The following UTRN variants were observed in gnomAD, a reference collection of about 807,000 sequenced individuals.
The protein encoded by UTRN is utrophin.
In UTRN, 283 loss-of-function variants were observed where a neutral mutation model predicts 463.9. That is an observed-to-expected ratio of 0.61 (90% CI 0.55 to 0.67). UTRN has a LOEUF of 0.67. Among genes scored for constraint, UTRN ranks in the 30% least tolerant of loss-of-function variants. The probability of loss-of-function intolerance (pLI) is 0.00; values close to 1 mark genes in which losing one functional copy is unlikely to be tolerated. For synonymous variants in UTRN, 1,442 were observed against 1,431.5 expected, an observed-to-expected ratio of 1.01 and a Z score of -0.17; for missense variants, 3,922 against 4,084.3, an observed-to-expected ratio of 0.96 and a Z score of 1.08.
intron 2 of UTRN, among the ~76,000 whole-genome samples, chr6:144,395,141 C>T (rs1032608538): frequency 1.3e-5 from 2 of 151,976 alleles, no homozygotes; most frequent in Non-Finnish European, 2.9e-5. Flanking sequence ...TAAGTTTAGC[C>T]TTTTGTCAAT....
At chr6:144,694,678 A>G (rs1160874036) in intron 52 of UTRN, among the ~76,000 whole-genome samples, 1 of 152,160 alleles carries the variant, frequency 6.6e-6, no homozygotes, top group African/African-American at 2.4e-5. Flanking sequence ...TTATGTGCAT[A>G]GAGGTGTTCA....
intron 2 of UTRN, among the ~76,000 whole-genome samples, chr6:144,371,337 A>G (rs370375695): frequency 2.6e-4 from 39 of 152,124 alleles, no homozygotes; most frequent in African/African-American, 8.4e-4. Flanking sequence ...TCCCCCTATT[A>G]CCCATTATTT....
chr6:144,714,484 A>C (rs895220686), intron 53 of UTRN, among the ~76,000 whole-genome samples: 2 of 152,176 alleles, frequency 1.3e-5, no homozygotes, highest in Non-Finnish European at 2.9e-5. Context: ...CCAGCTTCTC[A>C]GGTGTCCCAT....
chr6:144,429,695 C>T lies in UTRN; in HGVS notation c.809C>T (p.Pro270Leu). The change falls in exon 9 of 75, where the codon CCA becomes CTA. Residue 270 changes from proline (P) to leucine (L), a missense_variant. Pro to Leu is a moderately conservative substitution (Grantham distance 98). Around this residue, in one of 3 missense-constraint regions of UTRN, gnomAD observed 2,349 missense variants for 2,303.8 expected, o/e 1.02. Transcript: ENST00000367545. The part of the protein sequence containing the change: ...IDAIREVETL[P>L]RKYKKECEEE... ...GCCATCCGTGAGGTAGAGACACTCC[C>T]AAGGAAATATAAAAAAGAATGTGAA... 1 of 1,611,780 alleles carries T rather than the reference C, an allele frequency of 6.2e-7. No homozygotes were observed. The highest frequency in any genetic ancestry group is 2.2e-5 in the East Asian group (1 of 44,764).
At chr6:144,301,359 G>A (rs542105640) in intron 2 of UTRN, among the ~76,000 whole-genome samples, 30 of 151,936 alleles carry the variant, frequency 2.0e-4, no homozygotes, top group African/African-American at 7.2e-4. Flanking sequence ...TGGTGTTTTC[G>A]GAACACATGC....
At chr6:144,393,630 C>G (rs6920327) in intron 2 of UTRN, among the ~76,000 whole-genome samples, 21,965 of 151,926 alleles carry the variant, frequency 0.14, 4,503 homozygotes, top group African/African-American at 0.46. Flanking sequence ...TGTCATGACA[C>G]GTCAGAGAAG....
intron 50 of UTRN, among the ~76,000 whole-genome samples, chr6:144,565,091 A>G (rs770709834): frequency 2.0e-5 from 3 of 152,190 alleles, no homozygotes; most frequent in Non-Finnish European, 4.4e-5. Flanking sequence ...TATGCCAGCA[A>G]TGATGGAAAT....
Position 144,523,208 on chromosome 6 carries a change from A to G in UTRN, c.5906+20A>G, listed in dbSNP as rs778868538. ...GAAAGGGTATGTGTAAATGAAATTA[A>G]TATTTAATTTAAAAAAATGCCTGCA... On this transcript the variant is annotated intron_variant, in intron 41 of 74. Transcript: ENST00000367545. 2.7e-6 allele frequency: 4 copies of G among 1,495,780 alleles called. No homozygotes were observed. In the East Asian group the frequency reaches 7.4e-5, roughly 27 times the overall value. The allele number at this position is 1,495,780 out of a possible 1,614,324, so 92.7% of individuals were successfully genotyped here.
chr6:144,741,205 C>T (rs1036989418), intron 54 of UTRN, among the ~76,000 whole-genome samples: 2 of 152,140 alleles, frequency 1.3e-5, no homozygotes, highest in African/African-American at 4.8e-5. Flanking sequence ...TAAACATAAG[C>T]CATATTTAAC....
intron 14 of UTRN, among the ~76,000 whole-genome samples, chr6:144,445,836 G>T (rs1787637717): frequency 6.6e-6 from 1 of 152,016 alleles, no homozygotes; most frequent in Non-Finnish European, 1.5e-5. Flanking sequence ...CTTGAGGTCA[G>T]ACCAACATGT....
At chr6:144,668,757 C>G (rs1780684727) in intron 51 of UTRN, among the ~76,000 whole-genome samples, 1 of 152,036 alleles carries the variant, frequency 6.6e-6, no homozygotes, top group Non-Finnish European at 1.5e-5. Context: ...CCCAAAGGCC[C>G]CACCTCCTAA....
chr6:144,329,152 G>A (rs550698315), intron 2 of UTRN, among the ~76,000 whole-genome samples: 1 of 148,760 alleles, frequency 6.7e-6, no homozygotes, highest in South Asian at 2.1e-4. Context: ...GGGCGATCTC[G>A]GCTCACTGCA....
intron 54 of UTRN, among the ~76,000 whole-genome samples, chr6:144,732,239 C>CATATATATATATATATATATAT: frequency 1.7e-5 from 2 of 116,054 alleles, no homozygotes; most frequent in South Asian, 3.2e-4. Flanking sequence ...TATATATATA[C>CATATATATATATATATATATAT]ATATATATAT....
In UTRN at chr6:144,531,196, T is replaced by A. The variant is rs1797026263; in HGVS notation, c.6051T>A (p.His2017Gln). 6.2e-7 allele frequency: 1 copy of A among 1,613,658 alleles called. No individual in the cohort carries two copies. Among genetic ancestry groups the A allele is most frequent in the Non-Finnish European group, 8.5e-7 (1 of 1,179,792 alleles). ...GSLDLEKARIHQQELEVGISS... is the reference protein window; with the variant it reads ...GSLDLEKARIQQQELEVGISS... ...TGGACTTAGAGAAAGCCAGGATACA[T>A]CAGCAGGTGAGTGCTTTCTGTTAGA... Residue 2017 changes from histidine to glutamine, a missense_variant, in exon 42 of 75, where the codon CAT becomes CAA. Coordinates refer to ENST00000367545, the MANE Select transcript of UTRN (RefSeq NM_007124.3).
intron 50 of UTRN, among the ~76,000 whole-genome samples, chr6:144,565,678 G>C (rs1014237950): frequency 2.0e-5 from 3 of 152,172 alleles, no homozygotes; most frequent in Non-Finnish European, 4.4e-5. Context: ...GGATTGAATT[G>C]GGCTGAATAA....
intron 23 of UTRN, among the ~76,000 whole-genome samples, chr6:144,470,717 T>A (rs1163056222): frequency 6.6e-6 from 1 of 151,868 alleles, no homozygotes; most frequent in Admixed American, 6.6e-5. Context: ...ATCACGCCAC[T>A]GCACTCCAGC....
chr6:144,450,350 G>A (rs368332954), intron 17 of UTRN, among the ~76,000 whole-genome samples: 1 of 152,140 alleles, frequency 6.6e-6, no homozygotes, highest in East Asian at 1.9e-4. Flanking sequence ...TCCCTTGTGA[G>A]TTCAGTACTC....
intron 51 of UTRN, among the ~76,000 whole-genome samples, chr6:144,588,570 A>C (rs1802698403): frequency 6.6e-6 from 1 of 152,244 alleles, no homozygotes; most frequent in Admixed American, 6.5e-5. Flanking sequence ...GAGTTGAAGT[A>C]GTATTAAGGA....
chr6:144,555,413 T>G (rs762507144), intron 49 of UTRN, among the ~76,000 whole-genome samples: 2 of 152,032 alleles, frequency 1.3e-5, no homozygotes, highest in Admixed American at 1.3e-4. Flanking sequence ...CAGAGAGAGA[T>G]AGAAGGGAGA....
Sources: allele counts gnomAD v4.1 joint callset (sites outside exome capture counted in the v4.1 genomes callset), GRCh38; gene constraint gnomAD v4.1.1; regional missense constraint gnomAD v4.1.1; transcripts MANE v1.5; gene names NCBI Gene and HGNC (gene_info 2026-07-23, HGNC 2026-07-21).